UBE2Q1: variants seen among roughly 807,000 people sequenced by gnomAD.
UBE2Q1 encodes ubiquitin conjugating enzyme E2 Q1.
UBE2Q1 carries 6 observed loss-of-function variants against 60.1 expected under a neutral mutation model. That is an observed-to-expected ratio of 0.10 (90% CI 0.05 to 0.20). UBE2Q1 has a LOEUF of 0.20. Ranked by LOEUF, UBE2Q1 falls within the 10% of genes least tolerant of loss-of-function variation. The pLI is 1.00. For synonymous variants in UBE2Q1, 226 were observed against 208.3 expected (o/e 1.09, Z -0.73); for missense variants, 262 against 525.8 (o/e 0.50, Z 4.91).
intron 11 of UBE2Q1, 93 bp from the exon 12 acceptor site, chr1:154,551,097 C>A (rs1448385872): frequency 7.0e-6 from 10 of 1,434,900 alleles, no homozygotes; most frequent in South Asian, 1.2e-5. Context: ...ACCCCAGAGT[C>A]CCAGCTCCCA....
Position 154,558,338 on chromosome 1 carries a change from C to T in UBE2Q1, c.216G>A (p.Glu72=). ...ASACLDELSC[E]FLLAGAGGAG... ...CCCCTCCGGCCCCAGCCAGCAGGAA[C>T]TCGCAGCTCAGCTCGTCCAGGCAGG... The change falls in exon 1 of 13, where the codon GAG becomes GAA. Residue 72 remains glutamate, a synonymous_variant. Transcript: ENST00000292211. The T allele has an allele frequency of 6.4e-7, 1 of 1,573,836 alleles. No individual in the cohort carries two copies.
At chr1:154,555,315 G>GT in intron 3 of UBE2Q1, 113 bp downstream of exon 3, 2 of 898,898 alleles carry the variant, frequency 2.2e-6, no homozygotes, top group Non-Finnish European at 3.6e-6. Flanking sequence ...AGACGTGTAT[G>GT]TTTTTGGGAG....
chr1:154,553,195 G>A (rs879212450), intron 4 of UBE2Q1, 23 bp from the exon 5 acceptor site: 11 of 1,598,626 alleles, frequency 6.9e-6, no homozygotes, highest in Non-Finnish European at 9.4e-6. Context: ...TGGGGTGGGA[G>A]TGAAAAGAAA....
intron 6 of UBE2Q1, 105 bp downstream of exon 6, chr1:154,552,631 A>G (rs1303907919): frequency 6.8e-7 from 1 of 1,468,632 alleles, no homozygotes; most frequent in Non-Finnish European, 9.3e-7. Flanking sequence ...CTTGGCCTGA[A>G]AAGTTCATAA....
intron 1 of UBE2Q1, among the ~76,000 whole-genome samples, chr1:154,557,265 G>GTAC (rs1447256103): frequency 6.6e-6 from 1 of 152,216 alleles, no homozygotes; most frequent in Non-Finnish European, 1.5e-5. Flanking sequence ...CCTGGATAAA[G>GTAC]TACTGTCTGC....
Position 154,552,738 on chromosome 1 carries a change from C to T in UBE2Q1, c.812G>A (p.Gly271Asp), listed in dbSNP as rs755537885. ...GCCCCTCTCTGGGGCAAACTCACCG[C>T]CTTTGAAACTCTGTGATCGGTATAT... ...RDIYRSQSFK[G>D]GNYAVELVND... is the part of the protein sequence containing the mutation. The change falls in exon 6 of 13, where the codon GGC becomes GAC. Residue 271 changes from glycine (G) to aspartate (D), a missense_variant and splice_region_variant. By Grantham distance (94) the Gly-to-Asp change is moderately conservative. Coordinates refer to ENST00000292211, the MANE Select transcript of UBE2Q1 (RefSeq NM_017582.7). 1 of 1,614,040 alleles carries T rather than the reference C, an allele frequency of 6.2e-7. No individual in the cohort carries two copies. Among genetic ancestry groups the T allele is most frequent in the East Asian group, 2.2e-5 (1 of 44,880 alleles).
chr1:154,550,633 A>C (rs957230066), intron 12 of UBE2Q1, 164 bp from the exon 13 acceptor site: 5 of 985,334 alleles, frequency 5.1e-6, no homozygotes, highest in Non-Finnish European at 6.0e-6. Context: ...GCATACCTGG[A>C]GATGAGAAGG....
intron 12 of UBE2Q1, 186 bp from the exon 13 acceptor site, chr1:154,550,655 G>A: frequency 1.0e-6 from 1 of 985,358 alleles, no homozygotes; most frequent in Non-Finnish European, 1.2e-6. Flanking sequence ...GGAATGATGT[G>A]CCCAACCTGA....
intron 1 of UBE2Q1, among the ~76,000 whole-genome samples, chr1:154,556,412 A>C (rs1406475644): frequency 6.6e-6 from 1 of 152,186 alleles, no homozygotes; most frequent in African/African-American, 2.4e-5. Flanking sequence ...GAAGTGAAAA[A>C]AGCAGAGTTC....
At chr1:154,555,134 C>A in intron 3 of UBE2Q1, 1 of 551,218 alleles carries the variant, frequency 1.8e-6, no homozygotes, top group South Asian at 2.3e-5. Context: ...CCTGGGTCCC[C>A]AGTGGCCACC....
chr1:154,554,875 G>A (rs1051991770), intron 3 of UBE2Q1, 90 bp from the exon 4 acceptor site: 2 of 1,398,858 alleles, frequency 1.4e-6, no homozygotes, highest in Non-Finnish European at 2.0e-6. Flanking sequence ...CCCCAGGTCT[G>A]GAAGTTGTGC....
At chr1:154,557,521 T>TC (rs1266166192) in intron 1 of UBE2Q1, among the ~76,000 whole-genome samples, 1 of 152,002 alleles carries the variant, frequency 6.6e-6, no homozygotes, top group East Asian at 1.9e-4. Flanking sequence ...CCCTCGCACA[T>TC]CACATCACTA....
Position 154,553,116 on chromosome 1 carries a change from C to T in UBE2Q1, c.645G>A (p.Lys215=), listed in dbSNP as rs752140842. 1.2e-6 allele frequency: 2 copies of T among 1,614,020 alleles called. No homozygotes were observed. Among genetic ancestry groups the T allele is most frequent in the East Asian group, 4.5e-5 (2 of 44,876 alleles). ...EMKEEEPAEG[K]KSEDDGIGKE... is the part of the protein sequence containing the mutation. ...TTCCAATGCCATCATCTTCAGATTT[C>T]TTGCCCTCAGCTGGCTCTTCCTCTT... The change falls in exon 5 of 13, where the codon AAG becomes AAA. Residue 215 remains lysine (K), a synonymous_variant. Coordinates refer to ENST00000292211, the MANE Select transcript of UBE2Q1 (RefSeq NM_017582.7).
intron 1 of UBE2Q1, 94 bp from the exon 2 acceptor site, chr1:154,556,058 C>A (rs1695880646): frequency 1.4e-5 from 15 of 1,053,306 alleles, no homozygotes; most frequent in Non-Finnish European, 2.2e-5. Flanking sequence ...CTTCTAGCCC[C>A]TTTGCTTCCC....
intron 3 of UBE2Q1, 100 bp downstream of exon 3, chr1:154,555,328 G>T: frequency 2.0e-6 from 2 of 993,598 alleles, no homozygotes; most frequent in South Asian, 1.3e-5. Context: ...TTTGGGAGCC[G>T]GTGGGGATGG....
chr1:154,556,269 G>T (rs1695886620), intron 1 of UBE2Q1, among the ~76,000 whole-genome samples: 1 of 152,086 alleles, frequency 6.6e-6, no homozygotes, highest in Non-Finnish European at 1.5e-5. Flanking sequence ...AGCGAAGGGG[G>T]ACTCCTCATC....
chr1:154,558,593 C>G lies in UBE2Q1; in HGVS notation c.-40G>C. 9.9e-7 allele frequency: 1 copy of G among 1,011,200 alleles called. No homozygotes were observed. Among genetic ancestry groups the G allele is most frequent in the Non-Finnish European group, 1.2e-6 (1 of 852,974 alleles). 62.6% of individuals were successfully genotyped at this position (1,011,200 alleles called of 1,614,324 possible). A position where few individuals can be genotyped will look rare whatever the true frequency, so the allele number is the denominator to read the frequency against. Reference sequence around the variant, plus strand: ...CGCTCCGGGGCCGGCGGGCCGGGAGCCTCCGGCCTGCGCTCCGGGCTCCGC... The same window carrying G: ...CGCTCCGGGGCCGGCGGGCCGGGAGGCTCCGGCCTGCGCTCCGGGCTCCGC... On this transcript the variant is annotated 5_prime_UTR_variant, in exon 1 of 13. Coordinates refer to ENST00000292211, the MANE Select transcript of UBE2Q1 (RefSeq NM_017582.7).
chr1:154,557,265 G>A (rs535515706), intron 1 of UBE2Q1, among the ~76,000 whole-genome samples: 1 of 152,334 alleles, frequency 6.6e-6, no homozygotes, highest in Non-Finnish European at 1.5e-5. Flanking sequence ...CCTGGATAAA[G>A]TACTGTCTGC....
chr1:154,551,156 T>TCGAAGG, intron 11 of UBE2Q1, 152 bp from the exon 12 acceptor site: 1 of 958,182 alleles, frequency 1.0e-6, no homozygotes, highest in Non-Finnish European at 1.6e-6. Context: ...TCGAGGTCCC[T>TCGAAGG]TGGAGGCATA....
Sources: gnomAD v4.1 joint callset for allele counts (sites outside exome capture counted in the v4.1 genomes callset) on GRCh38, gnomAD v4.1.1 for gene constraint, MANE v1.5 for transcripts, NCBI Gene and HGNC (gene_info 2026-07-23, HGNC 2026-07-21) for gene names.